The following ADCY8 variants were observed in gnomAD, a reference collection of about 807,000 sequenced individuals.
ADCY8 encodes the protein adenylate cyclase type 8.
ADCY8 carries 51 observed loss-of-function variants against 119.7 expected under a neutral mutation model. That is an observed-to-expected ratio of 0.43 (90% CI 0.34 to 0.54). ADCY8 has a LOEUF of 0.54. Among genes scored for constraint, ADCY8 ranks in the 20% least tolerant of loss-of-function variants. The pLI is 0.03. For synonymous variants in ADCY8, 665 were observed against 651.0 expected, an observed-to-expected ratio of 1.02 and a Z score of -0.33; for missense variants, 1,383 against 1,598.8, an observed-to-expected ratio of 0.87 and a Z score of 2.30.
At chr8:130,882,845 G>GAAGAGTATCTCGGT in intron 8 of ADCY8, among the ~76,000 whole-genome samples, 1 of 152,276 alleles carries the variant, frequency 6.6e-6, no homozygotes, top group East Asian at 1.9e-4. Context: ...AAGAGTCAAT[G>GAAGAGTATCTCGGT]AAGAGTATCT....
chr8:131,036,247 G>C (rs1416751192), intron 1 of ADCY8, among the ~76,000 whole-genome samples: 1 of 152,144 alleles, frequency 6.6e-6, no homozygotes, highest in Non-Finnish European at 1.5e-5. Context: ...CATTAGATAT[G>C]ATGATGCACA....
At chr8:131,038,957 C>T (rs1824256004) in intron 1 of ADCY8, among the ~76,000 whole-genome samples, 1 of 152,152 alleles carries the variant, frequency 6.6e-6, no homozygotes, top group African/African-American at 2.4e-5. Context: ...CTCTGAAGCC[C>T]AGAGCCTGCT....
chr8:130,848,245 G>A (rs947623894), intron 10 of ADCY8, among the ~76,000 whole-genome samples: 1 of 152,132 alleles, frequency 6.6e-6, no homozygotes, highest in Non-Finnish European at 1.5e-5. Context: ...TACTCACTGA[G>A]GCACAGTTGG....
At chr8:130,884,494 T>C in intron 8 of ADCY8, 70 bp downstream of exon 8, 6 of 1,530,104 alleles carry the variant, frequency 3.9e-6, no homozygotes, top group Non-Finnish European at 5.4e-6. Flanking sequence ...CCCTGGGCTC[T>C]CTCTCTAGTC....
At chr8:130,847,229 T>G (rs898647913) in intron 11 of ADCY8, among the ~76,000 whole-genome samples, 195 bp downstream of exon 11, 2 of 150,450 alleles carry the variant, frequency 1.3e-5, no homozygotes, top group African/African-American at 2.4e-5. Context: ...GAAAGAGGAC[T>G]GGGAAACAGA....
At chr8:130,840,414 G>A (rs1817104107) in intron 11 of ADCY8, among the ~76,000 whole-genome samples, 1 of 146,790 alleles carries the variant, frequency 6.8e-6, no homozygotes. Context: ...TATTGATTAG[G>A]CATTTTTGGG....
intron 9 of ADCY8, among the ~76,000 whole-genome samples, chr8:130,850,020 T>G (rs1817467100): frequency 6.6e-6 from 1 of 152,232 alleles, no homozygotes; most frequent in Non-Finnish European, 1.5e-5. Context: ...AAACAGAATA[T>G]TTGGCTTGAT....
At chr8:130,923,942 T>C (rs995298214) in intron 5 of ADCY8, among the ~76,000 whole-genome samples, 1 of 152,262 alleles carries the variant, frequency 6.6e-6, no homozygotes, top group African/African-American at 2.4e-5. Flanking sequence ...GTTTATTGAC[T>C]GACATTTTCC....
intron 14 of ADCY8, among the ~76,000 whole-genome samples, chr8:130,807,183 T>TG (rs1360499429): frequency 6.6e-6 from 1 of 152,200 alleles, no homozygotes; most frequent in African/African-American, 2.4e-5. Flanking sequence ...CCTCTCTGCC[T>TG]GGGGAACTAT....
At chr8:130,921,453 T>C (rs915680767) in intron 5 of ADCY8, among the ~76,000 whole-genome samples, 2 of 148,234 alleles carry the variant, frequency 1.3e-5, no homozygotes, top group East Asian at 1.9e-4. Context: ...TCTTTTCTTT[T>C]TTTTTTTTTT....
intron 5 of ADCY8, 72 bp from the exon 6 acceptor site, chr8:130,909,938 TTC>T: frequency 7.2e-7 from 1 of 1,380,758 alleles, no homozygotes; most frequent in South Asian, 1.3e-5. Flanking sequence ...GCACTTTCTT[TTC>T]TTTTTTTTTT....
intron 1 of ADCY8, among the ~76,000 whole-genome samples, chr8:131,001,617 T>TTA (rs1365953492): frequency 6.7e-6 from 1 of 148,274 alleles, no homozygotes; most frequent in African/African-American, 2.5e-5. Context: ...TACAAATATT[T>TTA]TATATATATA....
At chr8:130,789,670 G>A (rs969329562) in intron 15 of ADCY8, among the ~76,000 whole-genome samples, 1 of 152,194 alleles carries the variant, frequency 6.6e-6, no homozygotes, top group Non-Finnish European at 1.5e-5. Flanking sequence ...GCACAGAGGG[G>A]CTGACGGAAT....
chr8:130,956,916 G>A (rs1213702083), intron 2 of ADCY8, among the ~76,000 whole-genome samples: 1 of 152,198 alleles, frequency 6.6e-6, no homozygotes, highest in East Asian at 1.9e-4. Flanking sequence ...ATGTGGAAAT[G>A]TAAGTCCAAT....
chr8:130,804,842 G>T (rs1815892910), intron 14 of ADCY8, among the ~76,000 whole-genome samples: 1 of 152,150 alleles, frequency 6.6e-6, no homozygotes, highest in Non-Finnish European at 1.5e-5. Context: ...CACCTCCTGG[G>T]TTCAAGTGAT....
At chr8:130,798,002 AT>A (rs1158642011) in intron 15 of ADCY8, among the ~76,000 whole-genome samples, 1 of 152,208 alleles carries the variant, frequency 6.6e-6, no homozygotes, top group Admixed American at 6.5e-5. Flanking sequence ...GACTCTGGTC[AT>A]TTTTGGTGTT....
At chr8:130,940,743 G>A (rs1303894764) in intron 4 of ADCY8, among the ~76,000 whole-genome samples, 1 of 152,098 alleles carries the variant, frequency 6.6e-6, no homozygotes, top group Non-Finnish European at 1.5e-5. Context: ...AATAAAGTAG[G>A]GTGAGGATCT....
intron 15 of ADCY8, among the ~76,000 whole-genome samples, chr8:130,799,529 A>G (rs12547373): frequency 0.11 from 16,281 of 152,156 alleles, 1,010 homozygotes; most frequent in Admixed American, 0.16. Flanking sequence ...TTGTGGGGCC[A>G]TCCTCCAAAA....
rs374628452 is a variant in ADCY8, at chr8:130,953,918, T to C, written c.1111-1920A>G. Among the ~76,000 whole-genome samples the C allele has an allele frequency of 1.1e-3, 166 of 152,364 alleles. 3 individuals carry two copies. The South Asian group carries it at 0.034, about 32-fold the overall frequency. On this transcript the variant is annotated intron_variant, in intron 2 of 17. Coordinates refer to ENST00000286355, the MANE Select transcript of ADCY8 (RefSeq NM_001115.3). ...GCTTTCTGCAAATGCCCCAACATCA[T>C]GTCCATTTTGTGTTCATTTGTGCTA...
Sources: gnomAD v4.1 joint callset for allele counts (sites outside exome capture counted in the v4.1 genomes callset) on GRCh38, gnomAD v4.1.1 for gene constraint, MANE v1.5 for transcripts, NCBI Gene and HGNC (gene_info 2026-07-23, HGNC 2026-07-21) for gene names.